The following NEBL variants were observed in gnomAD, a reference collection of about 807,000 sequenced individuals.
NEBL encodes LIM and SH3 protein 2.
NEBL carries 122 observed loss-of-function variants against 140.2 expected under a neutral mutation model. That is an observed-to-expected ratio of 0.87 (90% CI 0.75 to 1.01). NEBL has a LOEUF of 1.01. NEBL is among the 50% of genes least tolerant of loss of function. The pLI, the probability that NEBL is intolerant of heterozygous loss-of-function variation, is 0.00. For synonymous variants in NEBL, 436 were observed against 398.9 expected (o/e 1.09, Z -1.11); for missense variants, 1,365 against 1,231.3 (o/e 1.11, Z -1.62).
At chr10:20,948,353 C>T (rs1200797358) in intron 4 of NEBL, among the ~76,000 whole-genome samples, 1 of 152,156 alleles carries the variant, frequency 6.6e-6, no homozygotes, top group Non-Finnish European at 1.5e-5. Context: ...TCCAAATAAC[C>T]CAGTGGTGTG....
At chr10:20,907,742 C>A (rs1012966311) in intron 4 of NEBL, among the ~76,000 whole-genome samples, 3 of 152,146 alleles carry the variant, frequency 2.0e-5, no homozygotes, top group African/African-American at 7.2e-5. Flanking sequence ...AAGTGTTCAA[C>A]AGAAAAGACC....
At chr10:20,849,790 C>T (rs1842329559) in intron 11 of NEBL, among the ~76,000 whole-genome samples, 1 of 152,134 alleles carries the variant, frequency 6.6e-6, no homozygotes, top group Non-Finnish European at 1.5e-5. Context: ...AAAAGGAAAT[C>T]ATTCATGATT....
intron 2 of NEBL, among the ~76,000 whole-genome samples, chr10:21,065,206 C>G (rs1589194958): frequency 1.3e-5 from 2 of 152,130 alleles, no homozygotes; most frequent in Non-Finnish European, 2.9e-5. Context: ...ACAGCATATG[C>G]CTTAGTTACA....
At chr10:21,288,849 T>TATATATATATATAC (rs1216184030) in intron 1 of NEBL, among the ~76,000 whole-genome samples, 3 of 88,900 alleles carry the variant, frequency 3.4e-5, no homozygotes, top group Non-Finnish European at 6.1e-5. Flanking sequence ...TATATATATA[T>TATATATATATATAC]AAAAATTTTT....
At chr10:20,949,269 G>C (rs542146279) in intron 4 of NEBL, among the ~76,000 whole-genome samples, 1 of 152,212 alleles carries the variant, frequency 6.6e-6, no homozygotes, top group East Asian at 1.9e-4. Context: ...ACACAGGGAG[G>C]GGAACATCAC....
chr10:21,153,585 A>G (rs564754323), intron 2 of NEBL, among the ~76,000 whole-genome samples: 14 of 152,188 alleles, frequency 9.2e-5, no homozygotes, highest in Admixed American at 2.6e-4. Context: ...CTGAAGTACA[A>G]TGATGCAATC....
At chr10:21,123,235 G>A (rs542158390) in intron 2 of NEBL, among the ~76,000 whole-genome samples, 2 of 152,218 alleles carry the variant, frequency 1.3e-5, no homozygotes, top group East Asian at 1.9e-4. Context: ...ATCTTACTCT[G>A]TACAAAGTCA....
intron 27 of NEBL, among the ~76,000 whole-genome samples, chr10:20,786,266 C>T (rs1835398750): frequency 6.6e-6 from 1 of 152,152 alleles, no homozygotes; most frequent in African/African-American, 2.4e-5. Context: ...GAGAACAAAA[C>T]TCGTCATATG....
At chr10:21,188,882 G>A (rs550244997) in intron 3 of NEBL, among the ~76,000 whole-genome samples, 5 of 152,182 alleles carry the variant, frequency 3.3e-5, no homozygotes, top group African/African-American at 7.2e-5. Flanking sequence ...GAGCTACCAC[G>A]TTCGGCTGTG....
intron 3 of NEBL, among the ~76,000 whole-genome samples, chr10:21,234,205 G>A (rs1031770769): frequency 1.3e-5 from 2 of 152,028 alleles, no homozygotes; most frequent in African/African-American, 4.8e-5. Flanking sequence ...AGAGACGCTG[G>A]ACCTGATGTA....
intron 3 of NEBL, among the ~76,000 whole-genome samples, chr10:21,200,032 A>G (rs1307592439): frequency 1.3e-5 from 2 of 151,744 alleles, no homozygotes; most frequent in African/African-American, 4.8e-5. Context: ...AGTCCAAACA[A>G]CTCTGGGATG....
chr10:21,223,102 C>T (rs997675627), intron 3 of NEBL, among the ~76,000 whole-genome samples: 1 of 152,162 alleles, frequency 6.6e-6, no homozygotes, highest in African/African-American at 2.4e-5. Flanking sequence ...TTATTGTTGA[C>T]TTTAGTCACT....
intron 1 of NEBL, among the ~76,000 whole-genome samples, chr10:21,287,780 T>C (rs1843077966): frequency 6.6e-6 from 1 of 151,934 alleles, no homozygotes; most frequent in Admixed American, 6.6e-5. Flanking sequence ...ATAACGACAT[T>C]CTCTCAACAA....
chr10:20,973,704 C>T (rs1298153250), intron 3 of NEBL, among the ~76,000 whole-genome samples: 1 of 152,216 alleles, frequency 6.6e-6, no homozygotes, highest in East Asian at 1.9e-4. Context: ...CTTTAACCAC[C>T]ATGGATTGGC....
At chr10:21,126,169 C>A (rs749557716) in intron 2 of NEBL, 4 of 1,560,148 alleles carry the variant, frequency 2.6e-6, no homozygotes, top group Admixed American at 1.9e-5. Flanking sequence ...CTGGTACCCC[C>A]CATAGAAAGG....
intron 3 of NEBL, among the ~76,000 whole-genome samples, chr10:20,967,851 T>C (rs1425552483): frequency 1.3e-5 from 2 of 152,148 alleles, no homozygotes; most frequent in African/African-American, 4.8e-5. Context: ...ATCTTTTGTG[T>C]TGATCAACTA....
At chr10:20,866,376 T>C (rs749627476) in intron 7 of NEBL, among the ~76,000 whole-genome samples, 1 of 152,254 alleles carries the variant, frequency 6.6e-6, no homozygotes, top group Admixed American at 6.5e-5. Flanking sequence ...GTAAATTTTA[T>C]GTTATATAAA....
At chr10:21,206,617 AG>A (rs1195917847) in intron 3 of NEBL, among the ~76,000 whole-genome samples, 3 of 152,152 alleles carry the variant, frequency 2.0e-5, no homozygotes, top group Admixed American at 2.0e-4. Flanking sequence ...GCAGAGAAAA[AG>A]TTTTGTAGTA....
intron 4 of NEBL, among the ~76,000 whole-genome samples, chr10:20,925,002 G>A (rs1363601947): frequency 2.7e-5 from 4 of 149,786 alleles, no homozygotes; most frequent in Admixed American, 6.7e-5. Flanking sequence ...TTAGAGGTAA[G>A]AGTAATCCTA....
Sources: allele counts gnomAD v4.1 joint callset (sites outside exome capture counted in the v4.1 genomes callset), GRCh38; gene constraint gnomAD v4.1.1; transcripts MANE v1.5; gene names NCBI Gene and HGNC (gene_info 2026-07-23, HGNC 2026-07-21).